The following ZNF331 variants were observed in gnomAD, a reference collection of about 807,000 sequenced individuals.
ZNF331 encodes the protein C2H2-like zinc finger protein rearranged in thyroid adenomas.
Under a neutral mutation model 7.0 loss-of-function variants are expected in ZNF331, and 2 were observed. The ratio of observed to expected loss-of-function variants is 0.29; its 90% CI spans 0.12 to 0.90. ZNF331 has a LOEUF of 0.90. ZNF331 is among the 40% of genes least tolerant of loss of function. The pLI, the probability that ZNF331 is intolerant of heterozygous loss-of-function variation, is 0.58. For missense variants in ZNF331, 432 were observed against 587.7 expected (o/e 0.74, Z 2.74); for synonymous variants, 196 against 205.4 (o/e 0.95, Z 0.39).
chr19:53,554,374 A>G (rs1369158818), intron 2 of ZNF331, among the ~76,000 whole-genome samples: 1 of 152,078 alleles, frequency 6.6e-6, no homozygotes, highest in Non-Finnish European at 1.5e-5. Context: ...GTACACGTGC[A>G]TGTCGCGGTC....
chr19:53,559,377 CATAT>C (rs141616113), intron 3 of ZNF331, among the ~76,000 whole-genome samples: 1 of 150,890 alleles, frequency 6.6e-6, no homozygotes, highest in East Asian at 1.9e-4. Flanking sequence ...ACACACACCC[CATAT>C]ATACACATAC....
chr19:53,573,902 C>T lies in ZNF331; in HGVS notation c.136+2172C>T, dbSNP rs2090581617. 6.6e-6 allele frequency among the ~76,000 whole-genome samples: 1 copy of T among 152,198 alleles called. No homozygotes were observed. The highest frequency in any genetic ancestry group is 2.1e-4 in the South Asian group (1 of 4,836). On this transcript the variant is annotated intron_variant, in intron 5 of 5. Transcript: ENST00000449416. The surrounding 1 kb of genome is among the most constrained non-coding windows in gnomAD (Gnocchi z 4.2). The stretch of plus-strand genomic sequence containing the variant: ...CCAAGGCGGGCAGATCACCTGAAGT[C>T]AGGACTTCAAGACCAGCCTGGCCAA...
the ZNF331 span, chr19:53,512,194 T>C: frequency 1.3e-5 from 2 of 152,474 alleles, no homozygotes; most frequent in African/African-American, 4.8e-5. Context: ...TTCTCCTTCA[T>C]CCAGGGATGG....
intron 3 of ZNF331, among the ~76,000 whole-genome samples, chr19:53,566,538 G>A (rs1325200656): frequency 5.3e-5 from 8 of 151,962 alleles, no homozygotes; most frequent in African/African-American, 1.7e-4. Context: ...CTGGACTCCC[G>A]GAGGAAACCA....
intron 2 of ZNF331, among the ~76,000 whole-genome samples, chr19:53,544,098 GCA>G: frequency 6.6e-6 from 1 of 151,582 alleles, no homozygotes. Flanking sequence ...GTGGTGGCAT[GCA>G]CCTGTAGTCC....
chr19:53,555,115 G>A (rs1015612346), intron 2 of ZNF331: 1 of 154,836 alleles, frequency 6.5e-6, no homozygotes, highest in African/African-American at 2.4e-5. Flanking sequence ...GGTGACGCAG[G>A]TGTGTGTGAC....
At chr19:53,569,952 A>C (rs888788901) in intron 4 of ZNF331, among the ~76,000 whole-genome samples, 22 of 151,792 alleles carry the variant, frequency 1.4e-4, no homozygotes, top group African/African-American at 5.3e-4. Flanking sequence ...TGACATCCTT[A>C]TCCTCTAAAT....
intron 4 of ZNF331, among the ~76,000 whole-genome samples, 164 bp downstream of exon 4, chr19:53,569,549 C>T (rs1283591176): frequency 1.3e-5 from 2 of 152,066 alleles, no homozygotes; most frequent in Non-Finnish European, 2.9e-5. Context: ...TCCGTGTCTG[C>T]CTTTTTGGGA....
chr19:53,549,217 G>A (rs948755813), intron 2 of ZNF331, among the ~76,000 whole-genome samples: 1 of 152,158 alleles, frequency 6.6e-6, no homozygotes, highest in East Asian at 1.9e-4. Context: ...ATTGTGTGAT[G>A]TTGGCACCTT....
At position 53,577,680 on chromosome 19, in the gene ZNF331, G is replaced by A. The variant is rs757858629; in HGVS notation, c.1120G>A (p.Glu374Lys). ...FNCGYHLTQH[E>K]RIHTGETPYK... is the part of the protein sequence containing the mutation. ...TTGTGGCTATCACCTCACTCAGCACGAGAGAATCCACACAGGCGAAACCCC... is the reference window on the plus strand; with the variant it reads ...TTGTGGCTATCACCTCACTCAGCACAAGAGAATCCACACAGGCGAAACCCC... The change falls in exon 6 of 6, where the codon GAG becomes AAG. Residue 374 changes from glutamate (E) to lysine (K), a missense_variant. Glu to Lys is a moderately conservative substitution (Grantham distance 56, BLOSUM62 1). Around this residue, in one of 3 missense-constraint regions of ZNF331, gnomAD observed 312 missense variants for 448.6 expected, o/e 0.70. Coordinates refer to ENST00000449416, the MANE Select transcript of ZNF331 (RefSeq NM_001079906.2). The A allele has an allele frequency of 2.5e-6, 4 of 1,613,716 alleles. No individual in the cohort carries two copies. Among genetic ancestry groups the A allele is most frequent in the South Asian group, 2.2e-5 (2 of 91,054 alleles).
At chr19:53,570,858 C>CT (rs201661416) in intron 4 of ZNF331, among the ~76,000 whole-genome samples, 6,829 of 130,968 alleles carry the variant, frequency 0.052, 279 homozygotes, top group Non-Finnish European at 0.065. Flanking sequence ...CTTTTCTTTT[C>CT]TTTTCTTTTT....
intron 2 of ZNF331, among the ~76,000 whole-genome samples, chr19:53,541,014 C>T (rs2088124499): frequency 6.6e-6 from 1 of 152,294 alleles, no homozygotes; most frequent in South Asian, 2.1e-4. Context: ...CCTTAATTCC[C>T]CTTTGCCATG....
chr19:53,546,462 C>G (rs2147376041), intron 2 of ZNF331, among the ~76,000 whole-genome samples: 1 of 149,484 alleles, frequency 6.7e-6, no homozygotes, highest in Admixed American at 6.7e-5. Context: ...TGAGTATCCA[C>G]AAACCCATTT....
At chr19:53,548,607 C>G (rs999117414) in intron 2 of ZNF331, among the ~76,000 whole-genome samples, 1 of 152,130 alleles carries the variant, frequency 6.6e-6, no homozygotes, top group Admixed American at 6.5e-5. Context: ...AATAGTCTCT[C>G]CCAATCCATA....
chr19:53,510,223 T>C, the ZNF331 span, among the ~76,000 whole-genome samples: 1 of 152,198 alleles, frequency 6.6e-6, no homozygotes, highest in Admixed American at 6.5e-5. Context: ...TTGAGGACCA[T>C]GTATAGATAG....
At chr19:53,549,725 C>A (rs28773217) in intron 2 of ZNF331, among the ~76,000 whole-genome samples, 1 of 150,052 alleles carries the variant, frequency 6.7e-6, no homozygotes, top group Non-Finnish European at 1.5e-5. Flanking sequence ...TTTTAAAAAT[C>A]TTTTCATATT....
rs139618655 is a variant in ZNF331 at position 53,549,000 on chromosome 19, C to T, written c.-137-6845C>T. On this transcript the variant is annotated intron_variant, in intron 2 of 5. Coordinates refer to ENST00000449416, the MANE Select transcript of ZNF331 (RefSeq NM_001079906.2). ...AGTAGCTGAGATTACAGGCTCCTGC[C>T]ACCACACCTGGCTAATTTTTGTATT... Among the ~76,000 whole-genome samples, 876 of 152,134 alleles carry T rather than the reference C, an allele frequency of 5.8e-3. 7 individuals carry two copies. The highest frequency in any genetic ancestry group is 0.02 in the African/African-American group (827 of 41,502).
At chr19:53,548,097 TTTTTC>T (rs752561236) in intron 2 of ZNF331, among the ~76,000 whole-genome samples, 5 of 151,790 alleles carry the variant, frequency 3.3e-5, no homozygotes, top group Non-Finnish European at 4.4e-5. Flanking sequence ...GCCCGGCTAA[TTTTTC>T]TTTTCTTTTC....
Position 53,569,269 on chromosome 19 carries a change from G to A in ZNF331, c.-73-35G>A. The A allele has an allele frequency of 6.3e-6, 8 of 1,263,422 alleles. No homozygotes were observed. In the Admixed American group the frequency reaches 1.3e-4, roughly 20 times the overall value. 78.3% of individuals were successfully genotyped at this position (1,263,422 alleles called of 1,614,324 possible). On this transcript the variant is annotated intron_variant, in intron 3 of 5. Transcript: ENST00000449416. ...TTACATCACTATGGGGACCCCAGAT[G>A]CACCTCGTTTTAATCTCTTTTTTTC...
Sources: gnomAD v4.1 joint callset for allele counts (sites outside exome capture counted in the v4.1 genomes callset) on GRCh38, gnomAD v4.1.1 for gene constraint, gnomAD v4.1.1 regional missense constraint, Gnocchi (gnomAD v3.1) non-coding constraint, MANE v1.5 for transcripts, NCBI Gene and HGNC (gene_info 2026-07-23, HGNC 2026-07-21) for gene names.